Variants in OGDH observed in about 807,000 individuals in gnomAD.
OGDH encodes 2-oxoglutarate dehydrogenase complex component E1.
In OGDH, 38 loss-of-function variants were observed where a neutral mutation model predicts 116.6. The observed-to-expected ratio is 0.33, with a 90% CI of 0.25 to 0.43. The LOEUF (loss-of-function observed/expected upper bound fraction) is 0.43, where lower values mean the gene tolerates loss of function less well. Among genes scored for constraint, OGDH ranks in the 20% least tolerant of loss-of-function variants. The pLI, the probability that OGDH is intolerant of heterozygous loss-of-function variation, is 1.00. For missense variants in OGDH, 825 were observed against 1,357.2 expected, an observed-to-expected ratio of 0.61 and a Z score of 6.16; for synonymous variants, 488 against 533.3, an observed-to-expected ratio of 0.92 and a Z score of 1.17.
chr7:44,704,756 G>T (rs929992001), intron 20 of OGDH, among the ~76,000 whole-genome samples: 1 of 152,082 alleles, frequency 6.6e-6, no homozygotes. Context: ...TGTTACCCAG[G>T]CTGGAGTGCA....
At chr7:44,667,979 G>A (rs1484774894) in intron 5 of OGDH, among the ~76,000 whole-genome samples, 1 of 152,112 alleles carries the variant, frequency 6.6e-6, no homozygotes, top group African/African-American at 2.4e-5. Context: ...CTGGACATTA[G>A]AACCACCTGG....
chr7:44,624,266 C>T (rs1268776031), intron 1 of OGDH, 51 bp from the exon 2 acceptor site: 2 of 1,294,936 alleles, frequency 1.5e-6, no homozygotes, highest in Non-Finnish European at 1.1e-6. Context: ...CTCCTAAATA[C>T]TCATTTTTAA....
chr7:44,637,914 T>C (rs1585261382), intron 2 of OGDH, among the ~76,000 whole-genome samples: 1 of 152,158 alleles, frequency 6.6e-6, no homozygotes, highest in East Asian at 1.9e-4. Flanking sequence ...AAGAACTTCA[T>C]CAGAATCCCA....
At chr7:44,672,607 A>T (rs1787510749) in intron 5 of OGDH, among the ~76,000 whole-genome samples, 1 of 149,090 alleles carries the variant, frequency 6.7e-6, no homozygotes, top group South Asian at 2.1e-4. Flanking sequence ...GAGTACCAGG[A>T]TGAGGGCAGC....
chr7:44,677,818 G>A (rs1243132605), intron 9 of OGDH, among the ~76,000 whole-genome samples: 1 of 150,884 alleles, frequency 6.6e-6, no homozygotes, highest in Non-Finnish European at 1.5e-5. Context: ...AGGTTGCAGT[G>A]AGCTGAGATC....
chr7:44,700,831 T>C (rs1788796279), intron 19 of OGDH, among the ~76,000 whole-genome samples: 1 of 151,924 alleles, frequency 6.6e-6, no homozygotes, highest in Admixed American at 6.6e-5. Context: ...GCTAGCACAG[T>C]GAAACCCCGT....
At chr7:44,677,328 G>A (rs1787744173) in intron 9 of OGDH, among the ~76,000 whole-genome samples, 1 of 152,210 alleles carries the variant, frequency 6.6e-6, no homozygotes, top group Admixed American at 6.5e-5. Flanking sequence ...GCCGTGAAGA[G>A]CTTTGGAAGA....
intron 2 of OGDH, among the ~76,000 whole-genome samples, chr7:44,641,518 G>A (rs1455499568): frequency 6.6e-6 from 1 of 152,130 alleles, no homozygotes; most frequent in Non-Finnish European, 1.5e-5. Flanking sequence ...GAGCCACTGC[G>A]CCTGGCCTGA....
intron 4 of OGDH, among the ~76,000 whole-genome samples, chr7:44,653,722 T>C (rs987654017): frequency 5.9e-5 from 9 of 151,544 alleles, no homozygotes; most frequent in African/African-American, 2.2e-4. Context: ...GACAGGGTTT[T>C]ACCATGTTGG....
rs951812594 is a variant in OGDH at position 44,694,560 on chromosome 7, A to G, written c.1652A>G (p.Asn551Ser). 1 of 1,614,126 alleles carries G rather than the reference A, an allele frequency of 6.2e-7. No homozygotes were observed. The highest frequency in any genetic ancestry group is 8.5e-7 in the Non-Finnish European group (1 of 1,180,012). The change falls in exon 12 of 23, where the codon AAC (asparagine) becomes AGC (serine). Residue 551 changes from asparagine (N) to serine (S), a missense_variant. Around this residue, in one of 7 missense-constraint regions of OGDH, gnomAD observed 146 missense variants for 317.3 expected, o/e 0.46. Transcript: ENST00000222673. This position sits in a 1 kb window ranked among gnomAD's most constrained non-coding sequence, Gnocchi z 4.2. ...CTGCTGGTGTCGCAGGGTGTGGTCA[A>G]CCAGCCTGAGTATGAGGTACGTCCC... ...AELLVSQGVV[N>S]QPEYEEEISK...
At chr7:44,641,604 T>G (rs1279654156) in intron 2 of OGDH, among the ~76,000 whole-genome samples, 1 of 152,214 alleles carries the variant, frequency 6.6e-6, no homozygotes, top group African/African-American at 2.4e-5. Flanking sequence ...GACTGACTCC[T>G]GCTCAGTTTC....
chr7:44,662,464 CTTTTT>C (rs199533460), intron 4 of OGDH, among the ~76,000 whole-genome samples: 1 of 130,834 alleles, frequency 7.6e-6, no homozygotes, highest in African/African-American at 3.0e-5. Flanking sequence ...CTTTTCTTTT[CTTTTT>C]TTTTTTTTTT....
At chr7:44,645,794 G>C (rs1259368780) in intron 3 of OGDH, among the ~76,000 whole-genome samples, 1 of 152,148 alleles carries the variant, frequency 6.6e-6, no homozygotes, top group African/African-American at 2.4e-5. Flanking sequence ...AATATTTGTG[G>C]GCAGGGAAAA....
At chr7:44,688,574 G>A (rs938483870) in intron 10 of OGDH, among the ~76,000 whole-genome samples, 1 of 151,320 alleles carries the variant, frequency 6.6e-6, no homozygotes, top group Non-Finnish European at 1.5e-5. Flanking sequence ...GGGACTACAG[G>A]CACCCACCAC....
Position 44,707,253 on chromosome 7 carries a change from A to C in OGDH, c.2661A>C (p.Glu887Asp). Residue 887 changes from glutamate (E) to aspartate (D), a missense_variant, in exon 21 of 23, where the codon GAA becomes GAC. By Grantham distance (45) the Glu-to-Asp change is conservative. Coordinates refer to ENST00000222673, the MANE Select transcript of OGDH (RefSeq NM_002541.4). The surrounding 1 kb of genome is among the most constrained non-coding windows in gnomAD (Gnocchi z 5.2). Reference sequence around the variant, plus strand: ...CCCACTTCCAGCGGGTGATCCCAGAAGATGGCCCTGCAGCTCAGAACCCAG... The same window carrying C: ...CCCACTTCCAGCGGGTGATCCCAGACGATGGCCCTGCAGCTCAGAACCCAG... ...PGTHFQRVIP[E>D]DGPAAQNPEN... 6.2e-7 allele frequency: 1 copy of C among 1,614,248 alleles called. No homozygotes were observed. Among genetic ancestry groups the C allele is most frequent in the Non-Finnish European group, 8.5e-7 (1 of 1,180,038 alleles).
chr7:44,658,254 A>G (rs945977166), intron 4 of OGDH, among the ~76,000 whole-genome samples: 13 of 152,080 alleles, frequency 8.5e-5, no homozygotes, highest in African/African-American at 2.9e-4. Flanking sequence ...CTCCTCATTT[A>G]TTTGGATCAC....
At chr7:44,661,562 C>T (rs147821914) in intron 4 of OGDH, among the ~76,000 whole-genome samples, 197 of 151,938 alleles carry the variant, frequency 1.3e-3, no homozygotes, top group African/African-American at 4.2e-3. Context: ...TTTAAACCCA[C>T]ATTTAAAAAT....
At chr7:44,616,746 T>TGTATATGTGTATATATATACAC (rs1001853765) in intron 1 of OGDH, among the ~76,000 whole-genome samples, 4 of 145,296 alleles carry the variant, frequency 2.8e-5, no homozygotes, top group African/African-American at 7.6e-5. Context: ...CGTATATAAG[T>TGTATATGTGTATATATATACAC]GTATATGTGT....
At chr7:44,701,317 G>T (rs1788819797) in intron 19 of OGDH, among the ~76,000 whole-genome samples, 1 of 152,166 alleles carries the variant, frequency 6.6e-6, no homozygotes, top group Non-Finnish European at 1.5e-5. Flanking sequence ...GCTGGGATGG[G>T]CCCTGCCAGG....
Sources: gnomAD v4.1 joint callset for allele counts (sites outside exome capture counted in the v4.1 genomes callset) on GRCh38, gnomAD v4.1.1 for gene constraint, gnomAD v4.1.1 regional missense constraint, Gnocchi (gnomAD v3.1) non-coding constraint, MANE v1.5 for transcripts, NCBI Gene and HGNC (gene_info 2026-07-23, HGNC 2026-07-21) for gene names.